ZNF420: variants seen among roughly 807,000 people sequenced by gnomAD.
ZNF420 encodes ATM and p53-associated KZNF protein.
ZNF420 carries 31 observed loss-of-function variants against 44.7 expected under a neutral mutation model. The observed-to-expected ratio is 0.69, with a 90% CI of 0.52 to 0.94. The LOEUF (loss-of-function observed/expected upper bound fraction) is 0.94. ZNF420 is among the 40% of genes least tolerant of loss of function. ZNF420 has a pLI of 0.00. For synonymous variants in ZNF420, 245 were observed against 267.4 expected, an observed-to-expected ratio of 0.92 and a Z score of 0.82; for missense variants, 681 against 827.9, an observed-to-expected ratio of 0.82 and a Z score of 2.18.
chr19:37,085,647 G>A (rs887331276), intron 2 of ZNF420, among the ~76,000 whole-genome samples: 1 of 152,144 alleles, frequency 6.6e-6, no homozygotes, highest in Non-Finnish European at 1.5e-5. Flanking sequence ...TCTGCCAAGA[G>A]GACATCCTAA....
chr19:37,041,536 T>G (rs1350169249), intron 1 of ZNF420, among the ~76,000 whole-genome samples: 3 of 152,162 alleles, frequency 2.0e-5, no homozygotes, highest in Non-Finnish European at 4.4e-5. Flanking sequence ...GCCAAAATAC[T>G]TAGATTTTGT....
At chr19:37,067,766 A>T (rs1967992074) in intron 1 of ZNF420, among the ~76,000 whole-genome samples, 1 of 152,150 alleles carries the variant, frequency 6.6e-6, no homozygotes, top group Admixed American at 6.5e-5. Flanking sequence ...AAAGCAGTAA[A>T]CTGGTGTGTA....
In ZNF420 at chr19:37,130,030, A is replaced by C. The variant is rs1262661453; in HGVS notation, c.*972A>C. 21 of 1,531,248 alleles carry C rather than the reference A, an allele frequency of 1.4e-5. No individual in the cohort carries two copies. The highest frequency in any genetic ancestry group is 1.7e-5 in the Non-Finnish European group (19 of 1,137,430). 94.9% of individuals were successfully genotyped at this position (1,531,248 alleles called of 1,614,324 possible). On this transcript the variant is annotated 3_prime_UTR_variant, in exon 5 of 5. Coordinates refer to ENST00000337995, the MANE Select transcript of ZNF420 (RefSeq NM_144689.5). ...TTAGTAACAAATTTCTGGGCTGAAA[A>C]TCTCAGCCTTCCTTGCAGGTCAACA...
chr19:37,083,178 T>A (rs1482240634), intron 2 of ZNF420, among the ~76,000 whole-genome samples: 3 of 151,910 alleles, frequency 2.0e-5, no homozygotes, highest in African/African-American at 4.8e-5. Context: ...CTTTTTTTTT[T>A]TTTTTATTTT....
At chr19:37,085,856 G>A (rs367729854) in intron 2 of ZNF420, among the ~76,000 whole-genome samples, 10 of 151,120 alleles carry the variant, frequency 6.6e-5, no homozygotes, top group Admixed American at 4.0e-4. Context: ...TTGAACTCCT[G>A]GACAGTTCAA....
At chr19:37,102,428 G>T (rs1199544227) in intron 4 of ZNF420, among the ~76,000 whole-genome samples, 1 of 152,216 alleles carries the variant, frequency 6.6e-6, no homozygotes, top group East Asian at 1.9e-4. Context: ...TACCAGGACT[G>T]TTGTCAGCAG....
At chr19:37,093,684 C>A (rs935817255) in intron 4 of ZNF420, among the ~76,000 whole-genome samples, 8 of 152,146 alleles carry the variant, frequency 5.3e-5, no homozygotes, top group Non-Finnish European at 1.0e-4. Context: ...CAAACTATAT[C>A]CCATGCCAAG....
At chr19:37,012,734 G>T (rs2074579461) in intron 1 of ZNF420, among the ~76,000 whole-genome samples, 1 of 151,446 alleles carries the variant, frequency 6.6e-6, no homozygotes, top group Non-Finnish European at 1.5e-5. Flanking sequence ...GTTGCCTGGG[G>T]GGGTGTGCTT....
chr19:37,059,768 T>C (rs1038139819), intron 1 of ZNF420, among the ~76,000 whole-genome samples: 4 of 152,126 alleles, frequency 2.6e-5, no homozygotes, highest in African/African-American at 9.7e-5. Context: ...TTTCTGTTTC[T>C]ATGCCACTGC....
chr19:37,010,702 A>G (rs755290195), intron 1 of ZNF420, among the ~76,000 whole-genome samples: 37 of 151,892 alleles, frequency 2.4e-4, no homozygotes, highest in Non-Finnish European at 3.5e-4. Flanking sequence ...CCGGTTGTCA[A>G]TCGGTTTCGC....
intron 1 of ZNF420, among the ~76,000 whole-genome samples, chr19:37,042,864 CAT>C (rs765857712): frequency 1.8e-4 from 28 of 152,288 alleles, no homozygotes; most frequent in South Asian, 4.1e-4. Flanking sequence ...AAGTGAAAGA[CAT>C]GTGTCTTCCT....
chr19:37,106,084 G>A (rs1408224318), intron 4 of ZNF420, among the ~76,000 whole-genome samples: 2 of 152,176 alleles, frequency 1.3e-5, no homozygotes, highest in Admixed American at 1.3e-4. Context: ...TAGGAGTGAT[G>A]AGAGAGGGCA....
Position 37,127,979 on chromosome 19 carries a change from A to G in ZNF420, c.988A>G (p.Asn330Asp), listed in dbSNP as rs755434818. ...GCTTTCTCAACATCAGAAAATTCAT[A>G]ATGGGGAAAAACCATATGAATGTAA... ...SQLSQHQKIHNGEKPYECKEC... is the reference protein window; with the variant it reads ...SQLSQHQKIHDGEKPYECKEC... Residue 330 changes from asparagine (N) to aspartate (D), a missense_variant, in exon 5 of 5, where the codon AAT becomes GAT. Physicochemically the swap from Asn to Asp is conservative, Grantham distance 23 (BLOSUM62 1). Coordinates refer to ENST00000337995, the MANE Select transcript of ZNF420 (RefSeq NM_144689.5). The G allele has an allele frequency of 6.2e-5, 100 of 1,614,052 alleles. No individual in the cohort carries two copies. In the South Asian group the frequency reaches 1.1e-3, roughly 17 times the overall value.
At chr19:37,017,439 C>T (rs2074616037) in intron 1 of ZNF420, among the ~76,000 whole-genome samples, 1 of 152,136 alleles carries the variant, frequency 6.6e-6, no homozygotes, top group Admixed American at 6.5e-5. Flanking sequence ...GGCATACATA[C>T]AATCCTTTTG....
At chr19:37,075,341 C>T (rs982649573), upstream of ZNF420, among the ~76,000 whole-genome samples, 1 of 152,132 alleles carries the variant, frequency 6.6e-6, no homozygotes, top group South Asian at 2.1e-4. Flanking sequence ...TGTCTGCTTC[C>T]ACAGTTTAGG....
intron 4 of ZNF420, among the ~76,000 whole-genome samples, chr19:37,097,494 C>A (rs1427947339): frequency 6.6e-6 from 1 of 152,022 alleles, no homozygotes; most frequent in Admixed American, 6.5e-5. Context: ...GAAAACAAAT[C>A]ATTCTTATCT....
At chr19:37,027,946 A>C (rs1396233489) in intron 1 of ZNF420, among the ~76,000 whole-genome samples, 1 of 152,232 alleles carries the variant, frequency 6.6e-6, no homozygotes, top group Non-Finnish European at 1.5e-5. Context: ...TGTAACAAAG[A>C]ATGCAATTGC....
At chr19:37,043,370 G>T (rs1388809636) in intron 1 of ZNF420, among the ~76,000 whole-genome samples, 1 of 152,222 alleles carries the variant, frequency 6.6e-6, no homozygotes, top group Non-Finnish European at 1.5e-5. Flanking sequence ...AATATCATCA[G>T]CACTATCTCA....
intron 1 of ZNF420, among the ~76,000 whole-genome samples, chr19:37,032,032 G>A (rs1043420696): frequency 5.3e-5 from 8 of 151,960 alleles, no homozygotes; most frequent in Non-Finnish European, 8.8e-5. Flanking sequence ...CCAACATGGT[G>A]AAACCCCATC....
Sources: allele counts gnomAD v4.1 joint callset (sites outside exome capture counted in the v4.1 genomes callset), GRCh38; gene constraint gnomAD v4.1.1; transcripts MANE v1.5; gene names NCBI Gene and HGNC (gene_info 2026-07-23, HGNC 2026-07-21).